CADM2: variants seen among roughly 807,000 people sequenced by gnomAD.
CADM2 encodes immunoglobulin superfamily member 4D.
In CADM2, 12 loss-of-function variants were observed where a neutral mutation model predicts 49.8. The ratio of observed to expected loss-of-function variants is 0.24; its 90% CI spans 0.15 to 0.39. The LOEUF is 0.39. Among genes scored for constraint, CADM2 ranks in the 10% least tolerant of loss-of-function variants. The pLI is 1.00. For missense variants in CADM2, 378 were observed against 492.3 expected (o/e 0.77, Z 2.20); for synonymous variants, 214 against 175.4 (o/e 1.22, Z -1.74).
chr3:85,589,326 G>A (rs962901362), intron 1 of CADM2, among the ~76,000 whole-genome samples: 5 of 152,004 alleles, frequency 3.3e-5, no homozygotes, highest in Non-Finnish European at 7.4e-5. Context: ...AATTACTTAG[G>A]CACAATAGCA....
chr3:85,543,420 ATGTGTGTG>A (rs34654299), intron 1 of CADM2, among the ~76,000 whole-genome samples: 26 of 129,574 alleles, frequency 2.0e-4, no homozygotes, highest in Admixed American at 4.8e-4. Flanking sequence ...TGCCAAGCTA[ATGTGTGTG>A]TGTGTGTGTG....
intron 1 of CADM2, among the ~76,000 whole-genome samples, chr3:85,347,134 A>G (rs1483994266): frequency 6.9e-6 from 1 of 144,610 alleles, no homozygotes; most frequent in Non-Finnish European, 1.5e-5. Context: ...GATGCAGGAG[A>G]ATACTTGAAT....
At chr3:85,941,021 C>T (rs113571216) in intron 7 of CADM2, among the ~76,000 whole-genome samples, 1,830 of 152,088 alleles carry the variant, frequency 0.012, 36 homozygotes, top group African/African-American at 0.038. Flanking sequence ...CCCATCATTA[C>T]GACACCAAAG....
At chr3:85,821,249 G>A (rs1216192404) in intron 3 of CADM2, among the ~76,000 whole-genome samples, 1 of 152,064 alleles carries the variant, frequency 6.6e-6, no homozygotes, top group Non-Finnish European at 1.5e-5. Flanking sequence ...TCTTTTCCAG[G>A]AAGATAGTTA....
At chr3:85,291,340 T>C (rs990836321) in intron 1 of CADM2, among the ~76,000 whole-genome samples, 1 of 151,466 alleles carries the variant, frequency 6.6e-6, no homozygotes, top group East Asian at 1.9e-4. Flanking sequence ...ACGGGGAGAA[T>C]GGAACCAAGT....
chr3:85,805,518 A>G (rs1269982227), intron 3 of CADM2: 1 of 151,926 alleles, frequency 6.6e-6, no homozygotes, highest in Non-Finnish European at 1.5e-5. Flanking sequence ...CGTCCTCACT[A>G]TCTGTTCCCA....
intron 1 of CADM2, among the ~76,000 whole-genome samples, chr3:85,352,877 C>G (rs957916999): frequency 2.6e-5 from 4 of 152,060 alleles, no homozygotes; most frequent in African/African-American, 9.7e-5. Flanking sequence ...CTCAAATAGT[C>G]AGACACAATG....
At chr3:85,160,740 T>G (rs1306175007) in intron 1 of CADM2, among the ~76,000 whole-genome samples, 2 of 152,218 alleles carry the variant, frequency 1.3e-5, no homozygotes, top group African/African-American at 4.8e-5. Context: ...GAATTGACAT[T>G]TATGCAATAA....
At chr3:85,991,536 CA>C (rs1316889809) in intron 8 of CADM2, among the ~76,000 whole-genome samples, 2 of 152,044 alleles carry the variant, frequency 1.3e-5, no homozygotes, top group African/African-American at 4.8e-5. Flanking sequence ...TTAACACACC[CA>C]TTGCAATAAT....
chr3:85,196,414 T>A (rs1446745703), intron 1 of CADM2, among the ~76,000 whole-genome samples: 4 of 151,958 alleles, frequency 2.6e-5, no homozygotes, highest in Non-Finnish European at 4.4e-5. Flanking sequence ...ATGAGTTACA[T>A]CCTGAAGTAT....
chr3:85,993,123 G>T (rs989562005), intron 8 of CADM2: 1 of 152,156 alleles, frequency 6.6e-6, no homozygotes, highest in Non-Finnish European at 1.5e-5. Flanking sequence ...AGGATTGCTT[G>T]AGGCCAGGAG....
chr3:85,825,065 A>G (rs967531201), intron 3 of CADM2, among the ~76,000 whole-genome samples: 1 of 152,030 alleles, frequency 6.6e-6, no homozygotes, highest in Non-Finnish European at 1.5e-5. Context: ...TGGAAAGGAA[A>G]AGTAATTTAT....
chr3:85,592,624 A>G (rs945773802), intron 1 of CADM2, among the ~76,000 whole-genome samples: 16 of 152,078 alleles, frequency 1.1e-4, no homozygotes, highest in Non-Finnish European at 2.1e-4. Flanking sequence ...ATTGGTGAGT[A>G]TGATAGTCTC....
chr3:85,012,546 T>A (rs1261724748), intron 1 of CADM2, among the ~76,000 whole-genome samples: 1 of 150,058 alleles, frequency 6.7e-6, no homozygotes, highest in Non-Finnish European at 1.5e-5. Flanking sequence ...TTTAATTATT[T>A]AAAATAGGAG....
intron 1 of CADM2, among the ~76,000 whole-genome samples, chr3:85,273,873 A>G (rs2106857127): frequency 6.6e-6 from 1 of 151,584 alleles, no homozygotes; most frequent in South Asian, 2.1e-4. Flanking sequence ...GGACGTAAGA[A>G]GAGGTTACGT....
intron 1 of CADM2, among the ~76,000 whole-genome samples, chr3:85,097,527 G>T (rs1048249530): frequency 6.6e-6 from 1 of 152,192 alleles, no homozygotes; most frequent in Non-Finnish European, 1.5e-5. Flanking sequence ...CAATGGGATG[G>T]CCGGGTCAAA....
At position 86,039,965 on chromosome 3, in the gene CADM2, G is replaced by T. The variant is rs1029943691; in HGVS notation, c.971-25640G>T. ...TGCAGCCTCTGCTGCTGATACCCAG[G>T]CAAACAGGGTCTGGAGTGGACCTCC... On this transcript the variant is annotated intron_variant, in intron 8 of 9. Coordinates refer to ENST00000383699, the MANE Select transcript of CADM2 (RefSeq NM_001167675.2). 3.3e-5 allele frequency among the ~76,000 whole-genome samples: 5 copies of T among 152,242 alleles called. No homozygotes were observed. The East Asian group carries it at 7.8e-4, about 24-fold the overall frequency.
intron 6 of CADM2, among the ~76,000 whole-genome samples, chr3:85,930,331 A>C: frequency 6.6e-6 from 1 of 152,096 alleles, no homozygotes; most frequent in East Asian, 1.9e-4. Flanking sequence ...TGGGTACATA[A>C]TTGGTGTATA....
chr3:85,998,844 A>G lies in CADM2; in HGVS notation c.970+37197A>G, dbSNP rs954093362. 5.9e-5 allele frequency among the ~76,000 whole-genome samples: 9 copies of G among 152,304 alleles called. No individual in the cohort carries two copies. The East Asian group carries it at 1.4e-3, about 23-fold the overall frequency. Reference sequence around the variant, plus strand: ...CAGTGGCCAAAGGCATGGTAAAAAGACAATTGTTCCAAGATATTATTTGGG... The same window carrying G: ...CAGTGGCCAAAGGCATGGTAAAAAGGCAATTGTTCCAAGATATTATTTGGG... On this transcript the variant is annotated intron_variant, in intron 8 of 9. Transcript: ENST00000383699.
Sources: gnomAD v4.1 joint callset for allele counts (sites outside exome capture counted in the v4.1 genomes callset) on GRCh38, gnomAD v4.1.1 for gene constraint, MANE v1.5 for transcripts, NCBI Gene and HGNC (gene_info 2026-07-23, HGNC 2026-07-21) for gene names.